H2AZ2: variants seen among roughly 807,000 people sequenced by gnomAD.
H2AZ2 encodes histone H2A.V.
Under a neutral mutation model 15.5 loss-of-function variants are expected in H2AZ2, and 5 were observed. The ratio of observed to expected loss-of-function variants is 0.32; its 90% confidence interval spans 0.17 to 0.68. The LOEUF (loss-of-function observed/expected upper bound fraction) is 0.68. Ranked by LOEUF, H2AZ2 falls within the 30% of genes least tolerant of loss-of-function variation. H2AZ2 has a pLI of 0.72. For synonymous variants in H2AZ2, 44 were observed against 57.4 expected (o/e 0.77, Z 1.05); for missense variants, 42 against 162.5 (o/e 0.26, Z 4.03).
rs1399017704 is a variant in H2AZ2 at position 44,841,018 on chromosome 7, A to G, written c.82-6T>C. The G allele has an allele frequency of 1.9e-6, 3 of 1,608,418 alleles. No homozygotes were observed. Among genetic ancestry groups the G allele is most frequent in the Admixed American group, 3.3e-5 (2 of 59,932 alleles). On this transcript the variant is annotated splice_polypyrimidine_tract_variant and splice_region_variant and intron_variant, in intron 2 of 4. Transcript: ENST00000308153. ...TGGATGCGGCCCACAGGAAACTAAA[A>G]GAGAGATGTCTTAGTGGGAAGCACT...
downstream of H2AZ2, chr7:44,827,271 T>C (rs1016617190): frequency 3.9e-5 from 6 of 152,240 alleles, no homozygotes; most frequent in African/African-American, 9.6e-5. Flanking sequence ...GACTGGGCTA[T>C]TGCCAAAGAA....
intron 1 of H2AZ2, among the ~76,000 whole-genome samples, chr7:44,845,088 C>T (rs556947791): frequency 6.6e-6 from 1 of 152,068 alleles, no homozygotes; most frequent in African/African-American, 2.4e-5. Context: ...TGGCATATCC[C>T]CTTTGTAGCT....
At chr7:44,842,359 C>T (rs150031698) in intron 2 of H2AZ2, among the ~76,000 whole-genome samples, 349 of 152,312 alleles carry the variant, frequency 2.3e-3, no homozygotes, top group African/African-American at 7.9e-3. Flanking sequence ...ATTCCTAATT[C>T]TATCACCTCT....
intron 1 of H2AZ2, among the ~76,000 whole-genome samples, chr7:44,844,282 C>T (rs181160513): frequency 6.6e-6 from 1 of 152,302 alleles, no homozygotes; most frequent in Non-Finnish European, 1.5e-5. Flanking sequence ...AAAGGAAATT[C>T]TGACACAAGC....
rs1440452575 is a variant in H2AZ2 at position 44,840,899 on chromosome 7, C to G, written c.195G>C (p.Glu65Asp). ...SAAILEYLTAEVLELAGNASK... is the reference protein window; with the variant it reads ...SAAILEYLTADVLELAGNASK... ...ATACAACAGACATTCCTGTACAAAC[C>G]TCTGCAGTGAGGTACTCCAGAATCG... Residue 65 changes from glutamate to aspartate, a missense_variant and splice_region_variant, in exon 3 of 5, where the codon GAG (glutamate) becomes GAC (aspartate). Glu to Asp is a conservative substitution (Grantham distance 45). Transcript: ENST00000308153. 6.2e-7 allele frequency: 1 copy of G among 1,606,392 alleles called. No homozygotes were observed. The highest frequency in any genetic ancestry group is 1.7e-5 in the Admixed American group (1 of 59,984).
intron 2 of H2AZ2, among the ~76,000 whole-genome samples, chr7:44,842,595 T>C (rs1473883744): frequency 2.0e-5 from 3 of 152,214 alleles, no homozygotes; most frequent in Non-Finnish European, 2.9e-5. Context: ...CATTCAAGTA[T>C]GTTACTTTAT....
At chr7:44,837,433 GAA>G (rs71011996) in intron 3 of H2AZ2, among the ~76,000 whole-genome samples, 45,816 of 87,500 alleles carry the variant, frequency 0.52, 10,490 homozygotes, top group Middle Eastern at 0.7. Flanking sequence ...AAAAAAAAAA[GAA>G]AAAAAAAAAA....
chr7:44,828,655 G>A (rs567714917), downstream of H2AZ2: 1 of 152,156 alleles, frequency 6.6e-6, no homozygotes, highest in Non-Finnish European at 1.5e-5. Flanking sequence ...CTCTCTACTT[G>A]TAACACAAGC....
chr7:44,845,004 T>C (rs1793362882), intron 1 of H2AZ2, among the ~76,000 whole-genome samples: 1 of 152,148 alleles, frequency 6.6e-6, no homozygotes, highest in South Asian at 2.1e-4. Context: ...TCTTTACTGT[T>C]AAAAAAAGAA....
chr7:44,846,024 T>TACAC (rs10573522), intron 1 of H2AZ2, among the ~76,000 whole-genome samples: 2,830 of 132,708 alleles, frequency 0.021, 51 homozygotes, highest in African/African-American at 0.042. Flanking sequence ...TTTAAAAAAT[T>TACAC]ACACACACAC....
chr7:44,846,525 C>G (rs1319335932), intron 1 of H2AZ2, among the ~76,000 whole-genome samples: 1 of 151,718 alleles, frequency 6.6e-6, no homozygotes, highest in South Asian at 2.1e-4. Flanking sequence ...GCAGGAGCAT[C>G]GCTTGAACCC....
chr7:44,836,948 A>G (rs536814625), intron 3 of H2AZ2, among the ~76,000 whole-genome samples: 2 of 151,924 alleles, frequency 1.3e-5, no homozygotes, highest in East Asian at 4.0e-4. Context: ...GTGAGCCGAG[A>G]TGGCGCCACT....
chr7:44,837,839 G>A (rs1026790244), intron 3 of H2AZ2, among the ~76,000 whole-genome samples: 1 of 83,964 alleles, frequency 1.2e-5, no homozygotes, highest in Non-Finnish European at 3.7e-5. Flanking sequence ...AAAGGGGGGG[G>A]GGGCTTAGAT....
In H2AZ2 at chr7:44,843,300, G is replaced by A. The variant is rs147999975; in HGVS notation, c.58C>T (p.Arg20Cys). Residue 20 changes from arginine (R) to cysteine (C), a missense_variant, in exon 2 of 5, where the codon CGC (arginine) becomes TGC (cysteine). Coordinates refer to ENST00000308153, the MANE Select transcript of H2AZ2 (RefSeq NM_012412.5). ...SGKAKAKAVSRSQRAGLQFPV... is the reference protein window; with the variant it reads ...SGKAKAKAVSCSQRAGLQFPV... The stretch of plus-strand genomic sequence containing the variant: ...ACCTGTAGCCCAGCTCTCTGTGAGC[G>A]AGATACTGCCTTAGCCTTGGCCTTC... 3 of 1,611,386 alleles carry A rather than the reference G, an allele frequency of 1.9e-6. No individual in the cohort carries two copies. The highest frequency in any genetic ancestry group is 2.5e-6 in the Non-Finnish European group (3 of 1,178,896).
At chr7:44,835,926 A>C (rs1337089882) in intron 3 of H2AZ2, among the ~76,000 whole-genome samples, 2 of 151,474 alleles carry the variant, frequency 1.3e-5, no homozygotes, top group African/African-American at 4.8e-5. Flanking sequence ...CCCTTAGCCA[A>C]GATGCCAGAT....
rs1554335041 is a variant in H2AZ2, at chr7:44,832,983, AATAAAT to A, written c.*1512_*1517del. 6.6e-6 allele frequency among the ~76,000 whole-genome samples: 1 copy of A among 151,674 alleles called. No individual in the cohort carries two copies. The highest frequency in any genetic ancestry group is 2.4e-5 in the African/African-American group (1 of 41,006). ...CAAAAAAGTTTCTTAGAAACTGATAAATAAATATAATTTTTAAAAGATTGTACAAAT... is the reference window on the plus strand; with the variant it reads ...CAAAAAAGTTTCTTAGAAACTGATAAATAATTTTTAAAAGATTGTACAAAT... On this transcript the variant is annotated 3_prime_UTR_variant, in exon 5 of 5. Coordinates refer to ENST00000308153, the MANE Select transcript of H2AZ2 (RefSeq NM_012412.5).
rs1287959185 is a variant in H2AZ2, at chr7:44,833,234, CTT to C, written c.*1265_*1266del. Among the ~76,000 whole-genome samples the C allele has an allele frequency of 6.6e-6, 1 of 151,326 alleles. No homozygotes were observed. The highest frequency in any genetic ancestry group is 2.4e-5 in the African/African-American group (1 of 41,196). ...CTAATTTCTGTATTTTTAGTAGAGA[CTT>C]TTTTTTGTTTGTTTTGAGAGGGAGT... On this transcript the variant is annotated 3_prime_UTR_variant, in exon 5 of 5. Coordinates refer to ENST00000308153, the MANE Select transcript of H2AZ2 (RefSeq NM_012412.5).
At chr7:44,846,062 CAGAGAGAGACAGAGAGAG>C (rs1157033222) in intron 1 of H2AZ2, among the ~76,000 whole-genome samples, 1 of 75,060 alleles carries the variant, frequency 1.3e-5, no homozygotes, top group African/African-American at 4.1e-5. Flanking sequence ...CACACACACA[CAGAGAGAGACAGAGAGAG>C]AGAGAGAGGA....
chr7:44,828,848 T>C (rs1135760), downstream of H2AZ2: 113,403 of 152,062 alleles, frequency 0.75, 45,172 homozygotes, highest in Non-Finnish European at 0.9. Flanking sequence ...TCAAGGTGCT[T>C]TCTTCCAAGC....
Sources: allele counts gnomAD v4.1 joint callset (sites outside exome capture counted in the v4.1 genomes callset), GRCh38; gene constraint gnomAD v4.1.1; transcripts MANE v1.5; gene names NCBI Gene and HGNC (gene_info 2026-07-23, HGNC 2026-07-21).